The following RFC5 variants were observed in gnomAD, a reference collection of about 807,000 sequenced individuals.
The protein encoded by RFC5 is A1 36 kDa subunit.
In RFC5, 26 loss-of-function variants were observed where a neutral mutation model predicts 44.3. The observed-to-expected ratio is 0.59, with a 90% CI of 0.43 to 0.81. The LOEUF (loss-of-function observed/expected upper bound fraction) is 0.81, where lower values mean the gene tolerates loss of function less well. Among genes scored for constraint, RFC5 ranks in the 40% least tolerant of loss-of-function variants. RFC5 has a pLI of 0.00. For synonymous variants in RFC5, 155 were observed against 155.2 expected, an observed-to-expected ratio of 1.00 and a Z score of 0.01; for missense variants, 328 against 418.6, an observed-to-expected ratio of 0.78 and a Z score of 1.89.
chr12:118,024,346 AG>A (rs200610649), intron 5 of RFC5, among the ~76,000 whole-genome samples: 143 of 149,174 alleles, frequency 9.6e-4, no homozygotes, highest in East Asian at 4.2e-3. Context: ...GTTTCAAAAA[AG>A]AAAAAAGAGG....
chr12:118,027,196 G>C (rs1159539550), intron 8 of RFC5, 178 bp downstream of exon 8: 1 of 610,794 alleles, frequency 1.6e-6, no homozygotes, highest in African/African-American at 1.8e-5. Flanking sequence ...TAGCACTCCA[G>C]AGTTCTTCTT....
intron 4 of RFC5, among the ~76,000 whole-genome samples, chr12:118,021,821 G>A (rs1037801941): frequency 1.3e-5 from 2 of 152,062 alleles, no homozygotes; most frequent in Non-Finnish European, 2.9e-5. Flanking sequence ...TCTGGGCATG[G>A]TGGTGGGCGC....
At chr12:118,034,097 T>A, downstream of RFC5, 3 of 1,475,600 alleles carry the variant, frequency 2.0e-6, no homozygotes, top group Non-Finnish European at 2.8e-6. Context: ...AAAGAAATGC[T>A]ATTTCAATGC....
At chr12:118,020,851 TCA>T in intron 3 of RFC5, 53 bp from the exon 4 acceptor site, 1 of 1,166,490 alleles carries the variant, frequency 8.6e-7, no homozygotes, top group Non-Finnish European at 1.3e-6. Context: ...CACCAAGAAC[TCA>T]CAGATAGCAC....
intron 1 of RFC5, chr12:118,017,645 G>T: frequency 9.8e-7 from 1 of 1,018,426 alleles, no homozygotes; most frequent in Non-Finnish European, 1.2e-6. Flanking sequence ...CCAGAAGATT[G>T]ACAGTTGTAA....
chr12:118,036,220 C>T, downstream of RFC5: 1 of 1,269,502 alleles, frequency 7.9e-7, no homozygotes, highest in East Asian at 2.4e-5. Context: ...CCCACTGTGC[C>T]TTTTTATCCA....
In RFC5 at chr12:118,023,574, G is replaced by A. The variant is rs143370766; in HGVS notation, c.421+1215G>A. Among the ~76,000 whole-genome samples the A allele has an allele frequency of 9.6e-4, 146 of 151,864 alleles. 1 individual carries two copies. In the Middle Eastern group the frequency reaches 0.014, roughly 14 times the overall value. On this transcript the variant is annotated intron_variant, in intron 5 of 10. Transcript: ENST00000454402. Reference sequence around the variant, plus strand: ...CCTAGAAGCTTGGCAGCCTTTCTTCGGCATCTTGTTCTGCCGAGTGACTGT... The same window carrying A: ...CCTAGAAGCTTGGCAGCCTTTCTTCAGCATCTTGTTCTGCCGAGTGACTGT...
rs749774098 is a variant in RFC5, at chr12:118,031,171, G to A, written c.927-11G>A. ...TGTCTTTTTTCTTACCCTGTGTTTG[G>A]TTTCTGTTAGGTACAGGCTTTCTGT... On this transcript the variant is annotated splice_polypyrimidine_tract_variant and intron_variant, in intron 10 of 10. Transcript: ENST00000454402. 2.5e-6 allele frequency: 4 copies of A among 1,604,416 alleles called. No individual in the cohort carries two copies. The South Asian group carries it at 3.3e-5, about 13-fold the overall frequency.
rs1175989875 is a variant in RFC5, at chr12:118,018,976, G to C, written c.66-96G>C. On this transcript the variant is annotated intron_variant, in intron 1 of 10. Transcript: ENST00000454402. ...GGCCTCCCAAAGTGCTGGGATTACA[G>C]GCATGAGCCACTGTGCCTGACCTGC... is the stretch of plus-strand genomic sequence containing the variant. 6.5e-6 allele frequency: 6 copies of C among 924,082 alleles called. No individual in the cohort carries two copies. In the African/African-American group the frequency reaches 9.8e-5, roughly 15 times the overall value. The allele number at this position is 924,082 out of a possible 1,614,324, so 57.2% of individuals were successfully genotyped here. A position where few individuals can be genotyped will look rare whatever the true frequency, so the allele number is the denominator to read the frequency against.
At chr12:118,041,145 C>T in the RFC5 span, among the ~76,000 whole-genome samples, 1 of 152,190 alleles carries the variant, frequency 6.6e-6, no homozygotes, top group Non-Finnish European at 1.5e-5. Context: ...GTTTGTCTGA[C>T]AAGTTGCTAT....
the RFC5 span, chr12:118,038,353 A>T: frequency 6.2e-7 from 1 of 1,614,118 alleles, no homozygotes; most frequent in Non-Finnish European, 8.5e-7. Flanking sequence ...CAGTAAACCC[A>T]CTGCAGGTGG....
chr12:118,016,835 C>T lies in RFC5; in HGVS notation c.8C>T (p.Thr3Ile). ME[T>I]SALKQQEQPA... ...CACCTTCGTCTCCCCGCCATGGAGACCTCAGCACTCAAGCAGCAGGAGCAG... is the reference window on the plus strand; with the variant it reads ...CACCTTCGTCTCCCCGCCATGGAGATCTCAGCACTCAAGCAGCAGGAGCAG... The change falls in exon 1 of 11, where the codon ACC (threonine) becomes ATC (isoleucine). Residue 3 changes from threonine (T) to isoleucine (I), a missense_variant. Coordinates refer to ENST00000454402, the MANE Select transcript of RFC5 (RefSeq NM_007370.7). 1 of 1,613,216 alleles carries T rather than the reference C, an allele frequency of 6.2e-7. No individual in the cohort carries two copies. Among genetic ancestry groups the T allele is most frequent in the East Asian group, 2.2e-5 (1 of 44,836 alleles).
At chr12:118,035,205 C>T, downstream of RFC5, 1 of 1,614,072 alleles carries the variant, frequency 6.2e-7, no homozygotes, top group Non-Finnish European at 8.5e-7. Flanking sequence ...AGAGAGTTCT[C>T]TTCGTTACCT....
intron 8 of RFC5, among the ~76,000 whole-genome samples, chr12:118,027,683 A>AAG (rs1555266298): frequency 5.3e-4 from 79 of 149,244 alleles, no homozygotes; most frequent in African/African-American, 1.7e-3. Context: ...AAAAAAAAAA[A>AAG]AAAGAAAGAA....
the RFC5 span, among the ~76,000 whole-genome samples, chr12:118,040,919 T>TA: frequency 6.6e-6 from 1 of 152,146 alleles, no homozygotes; most frequent in South Asian, 2.1e-4. Flanking sequence ...TATGGTGGCT[T>TA]ACGCCTGTAG....
rs928065833 is a variant in RFC5, at chr12:118,031,859, T to C, written c.*581T>C. On this transcript the variant is annotated 3_prime_UTR_variant, in exon 11 of 11. Transcript: ENST00000454402. The stretch of plus-strand genomic sequence containing the variant: ...GTCACCAGCAGGTTCCAAATTGATG[T>C]GTATGATAGGAAAAAAACCTTAATT... 2.0e-5 allele frequency: 3 copies of C among 152,198 alleles called. No homozygotes were observed. Among genetic ancestry groups the C allele is most frequent in the African/African-American group, 7.2e-5 (3 of 41,448 alleles). 9.4% of individuals were successfully genotyped at this position (152,198 alleles called of 1,614,324 possible). A position where few individuals can be genotyped will look rare whatever the true frequency, so the allele number is the denominator to read the frequency against.
chr12:118,036,644 T>A (rs994493986), downstream of RFC5: 1 of 928,480 alleles, frequency 1.1e-6, no homozygotes, highest in Non-Finnish European at 1.6e-6. Context: ...TTTCTACAGC[T>A]CTTCCAGAAC....
Position 118,019,176 on chromosome 12 carries a change from C to T in RFC5, c.130+40C>T, listed in dbSNP as rs771720684. ...GTCAGTTGCTCTTGTCCTGCTTGAGCGACTTGTATAAATTGCTTGGTGATG... is the reference window on the plus strand; with the variant it reads ...GTCAGTTGCTCTTGTCCTGCTTGAGTGACTTGTATAAATTGCTTGGTGATG... On this transcript the variant is annotated intron_variant, in intron 2 of 10. Coordinates refer to ENST00000454402, the MANE Select transcript of RFC5 (RefSeq NM_007370.7). The surrounding 1 kb of genome is among the most constrained non-coding windows in gnomAD (Gnocchi z 4.2). 11 of 1,433,138 alleles carry T rather than the reference C, an allele frequency of 7.7e-6. No homozygotes were observed. Among genetic ancestry groups the T allele is most frequent in the South Asian group, 5.7e-5 (5 of 87,498 alleles). The allele number at this position is 1,433,138 out of a possible 1,614,324, so 88.8% of individuals were successfully genotyped here.
At position 118,020,986 on chromosome 12, in the gene RFC5, G is replaced by A; in HGVS notation, c.347+1G>A. On this transcript the variant is annotated splice_donor_variant, in intron 4 of 10. Coordinates refer to ENST00000454402, the MANE Select transcript of RFC5 (RefSeq NM_007370.7). LOFTEE classifies it high-confidence loss of function. The stretch of plus-strand genomic sequence containing the variant: ...TTGCTAGCACAAGGACAATATTTAA[G>A]TAAGAATTATTTGTGTAATTTCGCT... 6.3e-7 allele frequency: 1 copy of A among 1,588,316 alleles called. No homozygotes were observed. Among genetic ancestry groups the A allele is most frequent in the Non-Finnish European group, 8.6e-7 (1 of 1,157,822 alleles).
Sources: allele counts gnomAD v4.1 joint callset (sites outside exome capture counted in the v4.1 genomes callset), GRCh38; gene constraint gnomAD v4.1.1; non-coding constraint Gnocchi (gnomAD v3.1); transcripts MANE v1.5; gene names NCBI Gene and HGNC (gene_info 2026-07-23, HGNC 2026-07-21).